The following DET1 variants were observed in gnomAD, a reference collection of about 807,000 sequenced individuals.
DET1 encodes the protein DET1 homolog.
In DET1, 22 loss-of-function variants were observed where a neutral mutation model predicts 43.7. The ratio of observed to expected loss-of-function variants is 0.50; its 90% CI spans 0.36 to 0.72. DET1 has a LOEUF of 0.72. Among genes scored for constraint, DET1 ranks in the 30% least tolerant of loss-of-function variants. The pLI, the probability that DET1 is intolerant of heterozygous loss-of-function variation, is 0.00. For synonymous variants in DET1, 315 were observed against 266.2 expected, an observed-to-expected ratio of 1.18 and a Z score of -1.79; for missense variants, 713 against 713.3, an observed-to-expected ratio of 1.00 and a Z score of 0.00.
intron 1 of DET1, among the ~76,000 whole-genome samples, chr15:88,533,852 T>TAAAAAAAAAAAAAAAAA (rs368408722): frequency 4.6e-4 from 18 of 39,212 alleles, no homozygotes; most frequent in African/African-American, 1.3e-3. Context: ...ACCCAATCTC[T>TAAAAAAAAAAAAAAAAA]AAAAAAAAAA....
chr15:88,531,791 A>G lies in DET1; in HGVS notation c.-10-76T>C. On this transcript the variant is annotated intron_variant, in intron 1 of 4. Transcript: ENST00000268148. The surrounding 1 kb of genome is among the most constrained non-coding windows in gnomAD (Gnocchi z 6.2). ...AAATATAAATATATACAAGTGAAAC[A>G]GATTTCTCTTCTTATATCCTGAACC... The G allele has an allele frequency of 7.3e-7, 1 of 1,370,616 alleles. No homozygotes were observed. Among genetic ancestry groups the G allele is most frequent in the South Asian group, 1.5e-5 (1 of 68,044 alleles). 84.9% of individuals were successfully genotyped at this position (1,370,616 alleles called of 1,614,324 possible).
chr15:88,522,517 T>TTTTTTTTTTTTTTTTTTTTTTTTTTTTTG (rs1555427981), intron 3 of DET1, among the ~76,000 whole-genome samples: 1 of 136,608 alleles, frequency 7.3e-6, no homozygotes, highest in Non-Finnish European at 1.6e-5. Flanking sequence ...TCCTGGTTTT[T>TTTTTTTTTTTTTTTTTTTTTTTTTTTTTG]TTTTTTTTTT....
downstream of DET1, among the ~76,000 whole-genome samples, chr15:88,509,864 C>T (rs1050823713): frequency 2.0e-4 from 31 of 152,218 alleles, no homozygotes; most frequent in African/African-American, 7.2e-4. Context: ...CTCCTCCACA[C>T]TCATCCTCTC....
rs17197019 is a variant in DET1 at position 88,536,441 on chromosome 15, T to C, written c.-10-4726A>G. The C allele has an allele frequency of 0.49, 331,573 of 675,066 alleles. 83,559 individuals are homozygous for C. The highest frequency in any genetic ancestry group is 0.62 in the East Asian group (22,858 of 36,670). 41.8% of individuals were successfully genotyped at this position (675,066 alleles called of 1,614,324 possible). ...GTTAAAATAATTAATGGAGCAACAA[T>C]TGGTATGAGCCTTGAAGAATAAGAA... On this transcript the variant is annotated intron_variant, in intron 1 of 4. Coordinates refer to ENST00000268148, the MANE Select transcript of DET1 (RefSeq NM_001144074.3).
rs1337128531 is a variant in DET1 at position 88,516,869 on chromosome 15, G to A, written c.1376C>T (p.Pro459Leu). Residue 459 changes from proline (P) to leucine (L), a missense_variant, in exon 4 of 5, where the codon CCC becomes CTC. Pro to Leu is a moderately conservative substitution (Grantham distance 98, BLOSUM62 -3). Transcript: ENST00000268148. The surrounding 1 kb of genome is among the most constrained non-coding windows in gnomAD (Gnocchi z 4.4). ...ACTGAAGAGAGACAAATCCAGATAG[G>A]GGCTACCGCTGTAAGACTGAGCACT... ...PISAQSYSGS[P>L]YLDLSLFSYD... The A allele has an allele frequency of 3.7e-6, 6 of 1,610,844 alleles. No individual in the cohort carries two copies. In the African/African-American group the frequency reaches 5.3e-5, roughly 14 times the overall value.
At chr15:88,529,669 C>A (rs1052655053) in intron 2 of DET1, among the ~76,000 whole-genome samples, 1 of 152,204 alleles carries the variant, frequency 6.6e-6, no homozygotes, top group East Asian at 1.9e-4. Flanking sequence ...AGATACCAAA[C>A]TCAGTTGACT....
intron 1 of DET1, among the ~76,000 whole-genome samples, chr15:88,539,448 TAAAAAAAAAAA>T (rs34945813): frequency 5.2e-5 from 5 of 96,458 alleles, no homozygotes; most frequent in African/African-American, 2.2e-4. Context: ...CTTGTCTGTC[TAAAAAAAAAAA>T]AAAAAAAAAA....
chr15:88,534,808 A>G (rs1429032372), intron 1 of DET1, among the ~76,000 whole-genome samples: 1 of 152,260 alleles, frequency 6.6e-6, no homozygotes, highest in Non-Finnish European at 1.5e-5. Context: ...GAAGCTAATT[A>G]GGTAGATTGC....
chr15:88,511,921 T>C (rs1249397601), downstream of DET1, among the ~76,000 whole-genome samples: 1 of 152,064 alleles, frequency 6.6e-6, no homozygotes, highest in Admixed American at 6.6e-5. Flanking sequence ...AAAGCTACCT[T>C]CAAAGTCAGA....
chr15:88,533,074 A>T (rs1329196745), intron 1 of DET1, among the ~76,000 whole-genome samples: 1 of 152,138 alleles, frequency 6.6e-6, no homozygotes, highest in Non-Finnish European at 1.5e-5. Context: ...CATATAAAGA[A>T]CTCCTATAAC....
downstream of DET1, among the ~76,000 whole-genome samples, chr15:88,508,187 T>C (rs1363491167): frequency 6.6e-6 from 1 of 152,220 alleles, no homozygotes; most frequent in Non-Finnish European, 1.5e-5. Flanking sequence ...TGTATAATTA[T>C]TTCATTATAT....
intron 3 of DET1, among the ~76,000 whole-genome samples, chr15:88,524,008 A>G (rs1162514997): frequency 6.8e-6 from 1 of 146,450 alleles, no homozygotes; most frequent in Non-Finnish European, 1.5e-5. Flanking sequence ...GCCTCTTCCC[A>G]GCCGCCATCA....
intron 1 of DET1, among the ~76,000 whole-genome samples, chr15:88,539,926 T>A (rs1158296571): frequency 6.6e-6 from 1 of 152,226 alleles, no homozygotes; most frequent in Admixed American, 6.5e-5. Flanking sequence ...TAACTTTTCC[T>A]GTGCCCTTAA....
chr15:88,523,307 G>A (rs898285177), intron 3 of DET1, among the ~76,000 whole-genome samples: 3 of 151,946 alleles, frequency 2.0e-5, no homozygotes, highest in Non-Finnish European at 2.9e-5. Context: ...ACCTATAAGG[G>A]TCCCAATTTC....
In DET1 at chr15:88,530,754, G is replaced by A. The variant is rs762523583; in HGVS notation, c.952C>T (p.Arg318Cys). The A allele has an allele frequency of 1.9e-5, 30 of 1,613,792 alleles. No homozygotes were observed. The highest frequency in any genetic ancestry group is 1.1e-4 in the South Asian group (10 of 91,072). Residue 318 changes from arginine (R) to cysteine (C), a missense_variant, in exon 2 of 5, where the codon CGC (arginine) becomes TGC (cysteine). By Grantham distance (180) the Arg-to-Cys change is radical (BLOSUM62 -3). Coordinates refer to ENST00000268148, the MANE Select transcript of DET1 (RefSeq NM_001144074.3). ...EQDGSAMAKRRFFQYFDQLRQ... is the reference protein window; with the variant it reads ...EQDGSAMAKRCFFQYFDQLRQ... ...AGTTGGTCAAAATACTGGAAGAAGCGCCTCTTGGCCATTGCACTACCATCC... is the reference window on the plus strand; with the variant it reads ...AGTTGGTCAAAATACTGGAAGAAGCACCTCTTGGCCATTGCACTACCATCC...
chr15:88,534,955 A>G lies in DET1; in HGVS notation c.-10-3240T>C, dbSNP rs143321330. Among the ~76,000 whole-genome samples the G allele has an allele frequency of 3.9e-5, 6 of 152,252 alleles. No homozygotes were observed. The East Asian group carries it at 1.2e-3, about 29-fold the overall frequency. ...TAGGAAAAAACTCAATCTAGAAAAG[A>G]CAATTGACAGACACCAATGTTGAGA... On this transcript the variant is annotated intron_variant, in intron 1 of 4. Transcript: ENST00000268148.
downstream of DET1, chr15:88,512,278 G>A: frequency 2.2e-6 from 2 of 908,862 alleles, no homozygotes; most frequent in African/African-American, 1.8e-5. Flanking sequence ...CTCCAGCTGT[G>A]ACAATTACCA....
downstream of DET1, among the ~76,000 whole-genome samples, chr15:88,511,141 T>G (rs1305717337): frequency 6.6e-6 from 1 of 152,158 alleles, no homozygotes; most frequent in African/African-American, 2.4e-5. Context: ...CATGATCTAC[T>G]AAGTATTTCA....
At chr15:88,538,481 A>AC (rs971952498) in intron 1 of DET1, among the ~76,000 whole-genome samples, 34 of 149,100 alleles carry the variant, frequency 2.3e-4, no homozygotes, top group East Asian at 1.2e-3. Flanking sequence ...TTTTAACTAG[A>AC]CCCCCCCTCC....
Sources: gnomAD v4.1 joint callset for allele counts (sites outside exome capture counted in the v4.1 genomes callset) on GRCh38, gnomAD v4.1.1 for gene constraint, Gnocchi (gnomAD v3.1) non-coding constraint, MANE v1.5 for transcripts, NCBI Gene and HGNC (gene_info 2026-07-23, HGNC 2026-07-21) for gene names.